The following AHCYL2 variants were observed in gnomAD, a reference collection of about 807,000 sequenced individuals.
AHCYL2 encodes the protein adenosylhomocysteinase like 2.
Under a neutral mutation model 81.4 loss-of-function variants are expected in AHCYL2, and 28 were observed. That is an observed-to-expected ratio of 0.34 (90% confidence interval 0.25 to 0.47). The LOEUF is 0.47. AHCYL2 is among the 20% of genes least tolerant of loss of function. AHCYL2 has a pLI of 1.00. For missense variants in AHCYL2, 551 were observed against 785.1 expected (o/e 0.70, Z 3.56); for synonymous variants, 272 against 290.2 (o/e 0.94, Z 0.64).
In AHCYL2 at chr7:129,343,830, A is replaced by G. The variant is rs117887322; in HGVS notation, c.364-35808A>G. Among the ~76,000 whole-genome samples the G allele has an allele frequency of 4.5e-3, 685 of 152,332 alleles. 4 individuals carry two copies. The highest frequency in any genetic ancestry group is 6.8e-3 in the Middle Eastern group (2 of 294). ...CTCCAAAATTAGAAACTTCTATTCA[A>G]AAGACACAGGTAAGTAAATAAAAAG... On this transcript the variant is annotated intron_variant, in intron 1 of 16. Transcript: ENST00000325006.
intron 1 of AHCYL2, among the ~76,000 whole-genome samples, chr7:129,236,394 T>C (rs1435399523): frequency 2.6e-5 from 4 of 151,782 alleles, no homozygotes; most frequent in Non-Finnish European, 5.9e-5. Flanking sequence ...AGAAACGAGG[T>C]TTCACGGTGT....
chr7:129,377,800 G>C (rs1009647042), intron 1 of AHCYL2, among the ~76,000 whole-genome samples: 1 of 152,116 alleles, frequency 6.6e-6, no homozygotes. Flanking sequence ...GATTTGTAGA[G>C]TATTATAAAG....
chr7:129,353,397 A>G (rs1020236861), intron 1 of AHCYL2, among the ~76,000 whole-genome samples: 1 of 152,058 alleles, frequency 6.6e-6, no homozygotes, highest in Non-Finnish European at 1.5e-5. Flanking sequence ...TCTTTCATAT[A>G]GCAAGCTTTC....
At position 129,225,258 on chromosome 7, in the gene AHCYL2, CGGTCCCCGGCCCGGGCTCG is replaced by C; in HGVS notation, c.185_203del (p.Val62GlyfsTer19). The stretch of plus-strand genomic sequence containing the variant: ...CCAGCTCCCGCCGCGGAGCGGCCCC[CGGTCCCCGGCCCGGGCTCG>C]GGGCCCGCCGCCGCTCTCAGCCCCG... On this transcript the variant is annotated frameshift_variant, in exon 1 of 17. Coordinates refer to ENST00000325006, the MANE Select transcript of AHCYL2 (RefSeq NM_015328.4). LOFTEE classifies it high-confidence loss of function. The C allele has an allele frequency of 6.9e-7, 1 of 1,456,694 alleles. No individual in the cohort carries two copies. Among genetic ancestry groups the C allele is most frequent in the South Asian group, 1.3e-5 (1 of 74,150 alleles). 90.2% of individuals were successfully genotyped at this position (1,456,694 alleles called of 1,614,324 possible).
chr7:129,320,845 C>T (rs1394353845), intron 1 of AHCYL2, among the ~76,000 whole-genome samples: 1 of 152,176 alleles, frequency 6.6e-6, no homozygotes, highest in Non-Finnish European at 1.5e-5. Context: ...TTTGCTGATT[C>T]TGGACTTTCA....
At chr7:129,297,091 A>G (rs1055222524) in intron 1 of AHCYL2, among the ~76,000 whole-genome samples, 3 of 152,228 alleles carry the variant, frequency 2.0e-5, no homozygotes, top group African/African-American at 4.8e-5. Flanking sequence ...ACACTGATCT[A>G]TTGTAGCCTT....
At position 129,280,651 on chromosome 7, in the gene AHCYL2, T is replaced by C. The variant is rs1400795572; in HGVS notation, c.363+55212T>C. The stretch of plus-strand genomic sequence containing the variant: ...TCAGATGATCCCATACAATGTTGAA[T>C]AGAAGTGGTGAGAGTAGACACCAAT... On this transcript the variant is annotated intron_variant, in intron 1 of 16. Transcript: ENST00000325006. 2.6e-5 allele frequency among the ~76,000 whole-genome samples: 4 copies of C among 152,222 alleles called. No homozygotes were observed. The East Asian group carries it at 7.7e-4, about 29-fold the overall frequency.
intron 1 of AHCYL2, among the ~76,000 whole-genome samples, chr7:129,280,997 G>A (rs949586994): frequency 6.6e-6 from 1 of 151,392 alleles, no homozygotes; most frequent in Non-Finnish European, 1.5e-5. Flanking sequence ...CTGAGTAGCT[G>A]GGACTACAGG....
chr7:129,280,777 C>G (rs1464489838), intron 1 of AHCYL2, among the ~76,000 whole-genome samples: 1 of 150,890 alleles, frequency 6.6e-6, no homozygotes, highest in African/African-American at 2.4e-5. Context: ...TCAGGAATTT[C>G]TGGTGGATTT....
chr7:129,319,089 G>C (rs1304469369), intron 1 of AHCYL2, among the ~76,000 whole-genome samples: 3 of 152,062 alleles, frequency 2.0e-5, no homozygotes, highest in African/African-American at 7.2e-5. Context: ...GAATAATCCA[G>C]TAGAAATAAT....
chr7:129,414,837 T>G (rs1162887982), intron 12 of AHCYL2, among the ~76,000 whole-genome samples: 3 of 152,230 alleles, frequency 2.0e-5, no homozygotes, highest in African/African-American at 7.2e-5. Flanking sequence ...GGTAACTGGC[T>G]TAAGCAAAGT....
chr7:129,229,052 A>G (rs912014523), intron 1 of AHCYL2, among the ~76,000 whole-genome samples: 3 of 112,400 alleles, frequency 2.7e-5, no homozygotes, highest in African/African-American at 9.1e-5. Context: ...ATAGTTACCA[A>G]TAATTAGCCT....
intron 1 of AHCYL2, among the ~76,000 whole-genome samples, chr7:129,366,335 C>T (rs1048686325): frequency 6.6e-6 from 1 of 152,222 alleles, no homozygotes; most frequent in African/African-American, 2.4e-5. Flanking sequence ...TCTGCCCTCT[C>T]TGGCATCTTA....
intron 1 of AHCYL2, among the ~76,000 whole-genome samples, chr7:129,245,671 C>A (rs866839486): frequency 6.6e-6 from 1 of 152,348 alleles, no homozygotes; most frequent in Non-Finnish European, 1.5e-5. Flanking sequence ...TGTTGTATCA[C>A]ATGCCAGAAT....
rs1254147909 is a variant in AHCYL2, at chr7:129,362,603, T to G, written c.364-17035T>G. Among the ~76,000 whole-genome samples the G allele has an allele frequency of 2.2e-3, 315 of 143,032 alleles. 1 individual carries two copies. Among genetic ancestry groups the G allele is most frequent in the Admixed American group, 6.0e-3 (86 of 14,408 alleles). The allele number at this position is 143,032 out of a possible 152,430, so 93.8% of individuals were successfully genotyped here. On this transcript the variant is annotated intron_variant, in intron 1 of 16. Coordinates refer to ENST00000325006, the MANE Select transcript of AHCYL2 (RefSeq NM_015328.4). ...AATAGTTATTGGTTTTCTTGTTTTT[T>G]TTTTTTTTTTTTTTTTTTTTTATGG...
chr7:129,355,122 T>C (rs1489092699), intron 1 of AHCYL2, among the ~76,000 whole-genome samples: 1 of 152,142 alleles, frequency 6.6e-6, no homozygotes, highest in Non-Finnish European at 1.5e-5. Flanking sequence ...AGAGCTGAGG[T>C]CAAACATGAC....
At chr7:129,397,424 A>G (rs2150921516) in intron 5 of AHCYL2, 100 bp downstream of exon 5, 1 of 1,177,064 alleles carries the variant, frequency 8.5e-7, no homozygotes, top group African/African-American at 1.5e-5. Context: ...CAATAAAAGA[A>G]CTATCTTGGA....
At chr7:129,400,597 G>A (rs1040318677) in intron 6 of AHCYL2, among the ~76,000 whole-genome samples, 4 of 152,148 alleles carry the variant, frequency 2.6e-5, no homozygotes, top group Non-Finnish European at 4.4e-5. Context: ...TTAATTATTG[G>A]TTCTAATGTT....
intron 1 of AHCYL2, among the ~76,000 whole-genome samples, chr7:129,239,241 A>G (rs1794754007): frequency 6.6e-6 from 1 of 152,172 alleles, no homozygotes; most frequent in South Asian, 2.1e-4. Context: ...GATCCTTGCT[A>G]TTCAAACTGA....
Sources: gnomAD v4.1 joint callset for allele counts (sites outside exome capture counted in the v4.1 genomes callset) on GRCh38, gnomAD v4.1.1 for gene constraint, MANE v1.5 for transcripts, NCBI Gene and HGNC (gene_info 2026-07-23, HGNC 2026-07-21) for gene names.